Variants in AGBL4 observed in about 807,000 individuals in gnomAD.
AGBL4 encodes AGBL carboxypeptidase 4.
In AGBL4, 58 loss-of-function variants were observed where a neutral mutation model predicts 66.4. The ratio of observed to expected loss-of-function variants is 0.87; its 90% CI spans 0.71 to 1.09. The LOEUF (loss-of-function observed/expected upper bound fraction) is 1.09, where lower values mean the gene tolerates loss of function less well. AGBL4 is among the 50% of genes least tolerant of loss of function. The pLI is 0.00. For missense variants in AGBL4, 579 were observed against 631.0 expected (o/e 0.92, Z 0.88); for synonymous variants, 234 against 222.9 (o/e 1.05, Z -0.44).
At chr1:49,002,864 T>C (rs1250757757) in intron 5 of AGBL4, among the ~76,000 whole-genome samples, 1 of 152,170 alleles carries the variant, frequency 6.6e-6, no homozygotes, top group East Asian at 1.9e-4. Context: ...GAAATAAAAA[T>C]AGACTTTTGC....
chr1:48,615,267 C>A (rs1037300214), intron 9 of AGBL4, among the ~76,000 whole-genome samples: 4 of 152,142 alleles, frequency 2.6e-5, no homozygotes, highest in African/African-American at 7.2e-5. Context: ...AGTCTTACCC[C>A]TGTATGACTG....
intron 3 of AGBL4, among the ~76,000 whole-genome samples, chr1:49,677,686 T>C (rs942439410): frequency 2.0e-5 from 3 of 152,060 alleles, no homozygotes; most frequent in Non-Finnish European, 2.9e-5. Flanking sequence ...CCAAAATTAG[T>C]ATTTTGAAGA....
At chr1:49,859,196 A>T (rs185370936) in intron 1 of AGBL4, among the ~76,000 whole-genome samples, 127 of 152,324 alleles carry the variant, frequency 8.3e-4, no homozygotes, top group Middle Eastern at 6.8e-3. Flanking sequence ...GGCATTATTA[A>T]GAGGATAATG....
chr1:48,564,022 A>T (rs757740452), intron 11 of AGBL4, among the ~76,000 whole-genome samples: 31 of 152,182 alleles, frequency 2.0e-4, no homozygotes, highest in Non-Finnish European at 2.1e-4. Flanking sequence ...GATCGGGCCT[A>T]TGATCAGCCA....
intron 5 of AGBL4, among the ~76,000 whole-genome samples, chr1:48,954,186 T>C (rs1244932246): frequency 6.6e-6 from 1 of 152,216 alleles, no homozygotes; most frequent in Non-Finnish European, 1.5e-5. Flanking sequence ...AGACCAGCTC[T>C]GAATCCCGGA....
At chr1:49,431,984 A>G (rs1645798477) in intron 3 of AGBL4, among the ~76,000 whole-genome samples, 1 of 152,160 alleles carries the variant, frequency 6.6e-6, no homozygotes, top group Admixed American at 6.6e-5. Flanking sequence ...AAGCCCACCA[A>G]TAATTTTTCC....
At chr1:49,767,582 G>A (rs189596924) in intron 2 of AGBL4, among the ~76,000 whole-genome samples, 98 of 150,684 alleles carry the variant, frequency 6.5e-4, no homozygotes, top group Middle Eastern at 3.4e-3. Context: ...CAACATAAGC[G>A]GAAAAAAAAA....
intron 5 of AGBL4, among the ~76,000 whole-genome samples, chr1:48,994,157 A>T (rs556133550): frequency 5.3e-5 from 8 of 152,240 alleles, no homozygotes; most frequent in African/African-American, 1.9e-4. Flanking sequence ...TATTCCAGCC[A>T]CAGTGTACAT....
In AGBL4 at chr1:49,397,118, C is replaced by T. The variant is rs374335646; in HGVS notation, c.283-151254G>A. On this transcript the variant is annotated intron_variant, in intron 3 of 13. Transcript: ENST00000371839. ...GCTTTGCTCACTTGCCCACTGCTCCCCTCCTGCTGTGTGGCTCAGTTCCTA... is the reference window on the plus strand; with the variant it reads ...GCTTTGCTCACTTGCCCACTGCTCCTCTCCTGCTGTGTGGCTCAGTTCCTA... 1.7e-3 allele frequency among the ~76,000 whole-genome samples: 260 copies of T among 152,212 alleles called. 4 individuals carry two copies. In the South Asian group the frequency reaches 0.022, roughly 13 times the overall value.
intron 11 of AGBL4, among the ~76,000 whole-genome samples, chr1:48,568,751 C>T (rs996363916): frequency 3.3e-5 from 5 of 152,180 alleles, no homozygotes; most frequent in Admixed American, 6.5e-5. Context: ...TTTCAGCTCA[C>T]GGGCTCCTCC....
intron 4 of AGBL4, among the ~76,000 whole-genome samples, chr1:49,093,698 G>C (rs995517805): frequency 1.3e-5 from 2 of 152,104 alleles, no homozygotes; most frequent in African/African-American, 4.8e-5. Context: ...CAAATTCACA[G>C]AAATGAAATA....
chr1:49,038,234 C>T (rs1210718405), intron 5 of AGBL4, among the ~76,000 whole-genome samples: 1 of 151,994 alleles, frequency 6.6e-6, no homozygotes, highest in East Asian at 1.9e-4. Context: ...ATTCTTCTGA[C>T]CAATCTTGAG....
At chr1:49,724,430 T>G (rs1648854742) in intron 2 of AGBL4, among the ~76,000 whole-genome samples, 1 of 152,152 alleles carries the variant, frequency 6.6e-6, no homozygotes, top group African/African-American at 2.4e-5. Context: ...ATAGTCCCTT[T>G]CCTTAGGTTT....
chr1:49,704,940 A>G (rs923092903), intron 2 of AGBL4, among the ~76,000 whole-genome samples: 1 of 152,140 alleles, frequency 6.6e-6, no homozygotes, highest in African/African-American at 2.4e-5. Flanking sequence ...AGAAATTTAA[A>G]GTAGTTTTCT....
At chr1:49,813,104 A>T (rs1645140675) in intron 2 of AGBL4, among the ~76,000 whole-genome samples, 1 of 152,126 alleles carries the variant, frequency 6.6e-6, no homozygotes, top group Non-Finnish European at 1.5e-5. Flanking sequence ...ATTAATTGCT[A>T]CTAAAAAAGA....
chr1:48,999,177 C>T (rs559034394), intron 5 of AGBL4, among the ~76,000 whole-genome samples: 1 of 152,264 alleles, frequency 6.6e-6, no homozygotes, highest in East Asian at 1.9e-4. Flanking sequence ...AACTATATGA[C>T]CCTTAAGGTC....
intron 5 of AGBL4, among the ~76,000 whole-genome samples, chr1:48,871,545 T>G (rs1648677081): frequency 6.6e-6 from 1 of 151,606 alleles, no homozygotes; most frequent in African/African-American, 2.4e-5. Context: ...CAATCAGGAG[T>G]AGATATGTGG....
intron 5 of AGBL4, among the ~76,000 whole-genome samples, chr1:48,955,673 A>G (rs1489591720): frequency 3.3e-5 from 5 of 152,148 alleles, no homozygotes; most frequent in African/African-American, 4.8e-5. Context: ...ATGAGCCACT[A>G]TGCCTGGCCC....
chr1:49,595,184 G>T (rs1370070393), intron 3 of AGBL4, among the ~76,000 whole-genome samples: 3 of 152,138 alleles, frequency 2.0e-5, no homozygotes, highest in African/African-American at 7.2e-5. Context: ...CTCCTACCGG[G>T]TTCACGCCAT....
Sources: gnomAD v4.1 joint callset for allele counts (sites outside exome capture counted in the v4.1 genomes callset) on GRCh38, gnomAD v4.1.1 for gene constraint, MANE v1.5 for transcripts, NCBI Gene and HGNC (gene_info 2026-07-23, HGNC 2026-07-21) for gene names.